Variants in CCNB2 observed in about 807,000 individuals in gnomAD.
CCNB2 encodes G2/mitotic-specific cyclin-B2.
A neutral mutation model predicts 51.1 loss-of-function variants in CCNB2; 39 were observed. The ratio of observed to expected loss-of-function variants is 0.76; its 90% CI spans 0.59 to 1.00. The LOEUF (loss-of-function observed/expected upper bound fraction) is 1.00, where lower values mean the gene tolerates loss of function less well. Ranked by LOEUF, CCNB2 falls within the 50% of genes least tolerant of loss-of-function variation. The pLI, the probability that CCNB2 is intolerant of heterozygous loss-of-function variation, is 0.00. For synonymous variants in CCNB2, 174 were observed against 165.5 expected, an observed-to-expected ratio of 1.05 and a Z score of -0.40; for missense variants, 472 against 470.3, an observed-to-expected ratio of 1.00 and a Z score of -0.03.
chr15:59,123,765 C>T, intron 8 of CCNB2, 138 bp downstream of exon 8: 1 of 629,510 alleles, frequency 1.6e-6, no homozygotes, highest in African/African-American at 1.9e-5. Context: ...AATCCTTTAT[C>T]CTTTATATTT....
intron 3 of CCNB2, among the ~76,000 whole-genome samples, chr15:59,112,572 T>C (rs1273972677): frequency 3.3e-5 from 5 of 151,864 alleles, no homozygotes; most frequent in Non-Finnish European, 7.4e-5. Flanking sequence ...ATTTCAAACT[T>C]CTGACCTCGT....
chr15:59,113,968 C>T (rs1033867009), intron 3 of CCNB2, among the ~76,000 whole-genome samples: 3 of 152,192 alleles, frequency 2.0e-5, no homozygotes, highest in Admixed American at 2.0e-4. Flanking sequence ...TCCCAAAGTG[C>T]TAGAATTACA....
In CCNB2 at chr15:59,109,113, C is replaced by G. The variant is rs181374270; in HGVS notation, c.267+1443C>G. Among the ~76,000 whole-genome samples, 7 of 152,226 alleles carry G rather than the reference C, an allele frequency of 4.6e-5. No homozygotes were observed. The East Asian group carries it at 1.2e-3, about 25-fold the overall frequency. On this transcript the variant is annotated intron_variant, in intron 3 of 8. Transcript: ENST00000288207. ...TCGCCCAGGCTGCAGTTCAGTGGCT[C>G]GATCTCTGCTAACTGCAACCTCCGC...
chr15:59,112,172 T>C (rs146642676), intron 3 of CCNB2, among the ~76,000 whole-genome samples: 1 of 151,918 alleles, frequency 6.6e-6, no homozygotes, highest in East Asian at 2.0e-4. Flanking sequence ...AATTCTTGTA[T>C]AAATGGCATG....
rs1287125787 is a variant in CCNB2, at chr15:59,123,404, T to C, written c.976-113T>C. 3 of 650,826 alleles carry C rather than the reference T, an allele frequency of 4.6e-6. No homozygotes were observed. The African/African-American group carries it at 5.5e-5, about 12-fold the overall frequency. The allele number at this position is 650,826 out of a possible 1,614,324, so 40.3% of individuals were successfully genotyped here. ...AATTTCCAGAAGGTAAGAATATTCTTGTACAGCTTTTACATAAGTAATGTC... is the reference window on the plus strand; with the variant it reads ...AATTTCCAGAAGGTAAGAATATTCTCGTACAGCTTTTACATAAGTAATGTC... On this transcript the variant is annotated intron_variant, in intron 7 of 8. Coordinates refer to ENST00000288207, the MANE Select transcript of CCNB2 (RefSeq NM_004701.4).
intron 8 of CCNB2, chr15:59,124,379 C>CTCTTTTATTG (rs3833816): frequency 3.0e-4 from 67 of 222,668 alleles, no homozygotes; most frequent in Non-Finnish European, 4.6e-4. Context: ...AGTTGCCACC[C>CTCTTTTATTG]TCTTTTATTG....
chr15:59,108,542 T>G (rs1270139180), intron 3 of CCNB2, among the ~76,000 whole-genome samples: 6 of 101,846 alleles, frequency 5.9e-5, no homozygotes, highest in African/African-American at 3.1e-4. Context: ...TCTCAGAATG[T>G]CTTTCATCTT....
At chr15:59,117,015 G>A in intron 6 of CCNB2, 89 bp downstream of exon 6, 1 of 1,156,530 alleles carries the variant, frequency 8.6e-7, no homozygotes, top group Non-Finnish European at 1.3e-6. Flanking sequence ...CTTATTTATA[G>A]GACGCTTCCT....
In CCNB2 at chr15:59,105,152, C is replaced by A; in HGVS notation, c.-117C>A. On this transcript the variant is annotated 5_prime_UTR_variant, in exon 1 of 9. Transcript: ENST00000288207. ...GGAACAAGGCTACAGCGTCGAAGAT[C>A]CCCAGCGCTGCGGGCTCGGAGAGCA... 1.1e-6 allele frequency: 1 copy of A among 950,118 alleles called. No individual in the cohort carries two copies. Among genetic ancestry groups the A allele is most frequent in the South Asian group, 1.6e-5 (1 of 62,340 alleles). The allele number at this position is 950,118 out of a possible 1,614,324, so 58.9% of individuals were successfully genotyped here.
intron 5 of CCNB2, among the ~76,000 whole-genome samples, chr15:59,115,213 C>T (rs1201372513): frequency 5.3e-5 from 8 of 152,074 alleles, no homozygotes; most frequent in African/African-American, 1.9e-4. Flanking sequence ...GTTTTCTGGG[C>T]CTGCTTGCAC....
chr15:59,110,727 A>T (rs1251962541), intron 3 of CCNB2, among the ~76,000 whole-genome samples: 1 of 152,246 alleles, frequency 6.6e-6, no homozygotes, highest in Non-Finnish European at 1.5e-5. Context: ...AGTTGACACA[A>T]CTGAATCACA....
At chr15:59,113,935 C>G (rs751964048) in intron 3 of CCNB2, among the ~76,000 whole-genome samples, 1 of 152,240 alleles carries the variant, frequency 6.6e-6, no homozygotes, top group Non-Finnish European at 1.5e-5. Flanking sequence ...CTCCGGGGCT[C>G]AAGCCATCCA....
rs578071989 is a variant in CCNB2 at position 59,124,411 on chromosome 15, T to C, written c.1087-356T>C. On this transcript the variant is annotated intron_variant, in intron 8 of 8. Transcript: ENST00000288207. ...ATTGTCTTTTATTGTCTTTTAATTG[T>C]TCCTATTGCTGCCAGGCCTGGTGAA... The C allele has an allele frequency of 1.1e-3, 299 of 266,942 alleles. 4 individuals carry two copies. The highest frequency in any genetic ancestry group is 3.2e-4 in the Non-Finnish European group (45 of 138,654). The allele number at this position is 266,942 out of a possible 1,614,324, so 16.5% of individuals were successfully genotyped here. A position where few individuals can be genotyped will look rare whatever the true frequency, so the allele number is the denominator to read the frequency against.
At chr15:59,119,201 C>A (rs1289762750) in intron 7 of CCNB2, among the ~76,000 whole-genome samples, 2 of 152,068 alleles carry the variant, frequency 1.3e-5, no homozygotes, top group African/African-American at 4.8e-5. Context: ...AATGTAACTA[C>A]ATGTGAAATT....
At chr15:59,106,707 C>T (rs1300848563) in intron 1 of CCNB2, among the ~76,000 whole-genome samples, 3 of 152,136 alleles carry the variant, frequency 2.0e-5, no homozygotes, top group African/African-American at 4.8e-5. Flanking sequence ...AAACTACTTC[C>T]ATTCTAAATG....
intron 6 of CCNB2, 34 bp from the exon 7 acceptor site, chr15:59,117,194 G>A (rs1195367366): frequency 6.2e-7 from 1 of 1,600,964 alleles, no homozygotes; most frequent in African/African-American, 1.3e-5. Context: ...AATTACACTT[G>A]TGATTCTTAC....
At position 59,107,600 on chromosome 15, in the gene CCNB2, C is replaced by A; in HGVS notation, c.197C>A (p.Thr66Lys). ...GTTCCAGTTCAACCCACCAAAACAA[C>A]AAATGTCAACAAACAACTGAAACCT... ...TKVPVQPTKT[T>K]NVNKQLKPTA... is the part of the protein sequence containing the mutation. Residue 66 changes from threonine to lysine, a missense_variant, in exon 3 of 9, where the codon ACA becomes AAA. Coordinates refer to ENST00000288207, the MANE Select transcript of CCNB2 (RefSeq NM_004701.4). 3 of 1,614,174 alleles carry A rather than the reference C, an allele frequency of 1.9e-6. No homozygotes were observed. The highest frequency in any genetic ancestry group is 2.5e-6 in the Non-Finnish European group (3 of 1,180,020).
intron 3 of CCNB2, among the ~76,000 whole-genome samples, chr15:59,112,845 T>C (rs1566956155): frequency 2.0e-5 from 3 of 151,452 alleles, no homozygotes; most frequent in Non-Finnish European, 4.4e-5. Context: ...CCATCCTGGC[T>C]AACACGGTGA....
rs376995272 is a variant in CCNB2 at position 59,105,946 on chromosome 15, CTG to C, written c.24+655_24+656del. Among the ~76,000 whole-genome samples, 40 of 152,268 alleles carry C rather than the reference CTG, an allele frequency of 2.6e-4. No homozygotes were observed. The East Asian group carries it at 6.9e-3, about 26-fold the overall frequency. On this transcript the variant is annotated intron_variant, in intron 1 of 8. Transcript: ENST00000288207. The stretch of plus-strand genomic sequence containing the variant: ...ATATAATTTGGACCAATGTGGCAGA[CTG>C]AGAGAAAAGGGTCCAAATTCATTTA...
Sources: allele counts gnomAD v4.1 joint callset (sites outside exome capture counted in the v4.1 genomes callset), GRCh38; gene constraint gnomAD v4.1.1; transcripts MANE v1.5; gene names NCBI Gene and HGNC (gene_info 2026-07-23, HGNC 2026-07-21).